The following KDM2A variants were observed in gnomAD, a reference collection of about 807,000 sequenced individuals.
KDM2A encodes the protein lysine-specific demethylase 2A.
KDM2A carries 3 observed loss-of-function variants against 137.3 expected under a neutral mutation model. The ratio of observed to expected loss-of-function variants is 0.02; its 90% CI spans 0.01 to 0.06. The LOEUF is 0.06. Among genes scored for constraint, KDM2A ranks in the 10% least tolerant of loss-of-function variants. KDM2A has a pLI of 1.00. For missense variants in KDM2A, 738 were observed against 1,510.6 expected (o/e 0.49, Z 8.48); for synonymous variants, 512 against 541.5 (o/e 0.95, Z 0.76).
chr11:67,254,822 G>T lies in KDM2A; in HGVS notation c.3308-52G>T. The stretch of plus-strand genomic sequence containing the variant: ...AGACGGCTACAGGAATTGAATGGCA[G>T]AGGAAAGCTGTGTGTATGTGAGCAC... On this transcript the variant is annotated intron_variant, in intron 20 of 20. Coordinates refer to ENST00000529006, the MANE Select transcript of KDM2A (RefSeq NM_012308.3). The surrounding 1 kb of genome is among the most constrained non-coding windows in gnomAD (Gnocchi z 4.7). 1.3e-6 allele frequency: 2 copies of T among 1,503,292 alleles called. No homozygotes were observed. The highest frequency in any genetic ancestry group is 9.2e-7 in the Non-Finnish European group (1 of 1,085,466). The allele number at this position is 1,503,292 out of a possible 1,614,324, so 93.1% of individuals were successfully genotyped here. A position where few individuals can be genotyped will look rare whatever the true frequency, so the allele number is the denominator to read the frequency against.
intron 2 of KDM2A, among the ~76,000 whole-genome samples, chr11:67,124,269 G>C (rs1268087283): frequency 6.6e-6 from 1 of 152,038 alleles, no homozygotes; most frequent in East Asian, 1.9e-4. Flanking sequence ...CTCTCAAAGT[G>C]CTGGGATTAC....
In KDM2A at chr11:67,120,044, T is replaced by C. The variant is rs1855561407; in HGVS notation, c.-89T>C. ...CTTGGACAAGAACTCAAGAGCAGAA[T>C]CTCCGGTGAGTTTCCCCCTCCCCCC... On this transcript the variant is annotated 5_prime_UTR_variant, in exon 1 of 21. Coordinates refer to ENST00000529006, the MANE Select transcript of KDM2A (RefSeq NM_012308.3). The C allele has an allele frequency of 6.6e-6, 1 of 152,416 alleles. No homozygotes were observed. The allele number at this position is 152,416 out of a possible 1,614,324, so 9.4% of individuals were successfully genotyped here.
At chr11:67,156,462 T>C (rs1398169255) in intron 2 of KDM2A, among the ~76,000 whole-genome samples, 1 of 151,778 alleles carries the variant, frequency 6.6e-6, no homozygotes, top group African/African-American at 2.4e-5. Flanking sequence ...CTCTCGGCTG[T>C]AATCCCAGCA....
In KDM2A at chr11:67,121,260, A is replaced by G. The variant is rs990957756; in HGVS notation, c.-57A>G. On this transcript the variant is annotated 5_prime_UTR_variant, in exon 2 of 21. Transcript: ENST00000529006. ...GTTGCAATCTGGTTCCTAAGGAGGA[A>G]GAGGAAGGCAGCCCTGGAGTGGTTT... is the stretch of plus-strand genomic sequence containing the variant. The G allele has an allele frequency of 9.4e-6, 13 of 1,382,146 alleles. No homozygotes were observed. The South Asian group carries it at 1.3e-4, about 14-fold the overall frequency. 85.6% of individuals were successfully genotyped at this position (1,382,146 alleles called of 1,614,324 possible).
At position 67,207,640 on chromosome 11, in the gene KDM2A, C is replaced by T. The variant is rs369124261; in HGVS notation, c.438C>T (p.Leu146=). The T allele has an allele frequency of 1.2e-4, 191 of 1,613,160 alleles. No individual in the cohort carries two copies. The highest frequency in any genetic ancestry group is 1.6e-4 in the South Asian group (15 of 91,020). Reference sequence around the variant, plus strand: ...AGAAACTCTATAATGTCATCAGCCTCGAGTTTAGCCACACCAGGCTGGAGA... The same window carrying T: ...AGAAACTCTATAATGTCATCAGCCTTGAGTTTAGCCACACCAGGCTGGAGA... ...EREKLYNVIS[L]EFSHTRLENM... is the part of the protein sequence containing the mutation. Residue 146 remains leucine, a synonymous_variant, in exon 6 of 21, where the codon CTC becomes CTT. Coordinates refer to ENST00000529006, the MANE Select transcript of KDM2A (RefSeq NM_012308.3).
At position 67,254,484 on chromosome 11, in the gene KDM2A, C is replaced by G. The variant is rs750238183; in HGVS notation, c.3307+66C>G. ...CCTCCAGCCCTCCCTGGAACTTGAT[C>G]AGTAAACCAGAATGACCTTGGGTCT... On this transcript the variant is annotated intron_variant, in intron 20 of 20. Coordinates refer to ENST00000529006, the MANE Select transcript of KDM2A (RefSeq NM_012308.3). The surrounding 1 kb of genome is among the most constrained non-coding windows in gnomAD (Gnocchi z 4.7). 3.6e-5 allele frequency: 49 copies of G among 1,369,150 alleles called. 1 individual carries two copies. Among genetic ancestry groups the G allele is most frequent in the Non-Finnish European group, 4.8e-5 (46 of 963,646 alleles). 84.8% of individuals were successfully genotyped at this position (1,369,150 alleles called of 1,614,324 possible).
chr11:67,182,173 GA>G (rs1443400147), intron 5 of KDM2A, among the ~76,000 whole-genome samples: 3 of 151,972 alleles, frequency 2.0e-5, no homozygotes, highest in Non-Finnish European at 4.4e-5. Context: ...CCAAGAAACC[GA>G]AAACTTACAT....
intron 5 of KDM2A, among the ~76,000 whole-genome samples, chr11:67,184,625 CAAAA>C (rs556320529): frequency 1.6e-4 from 25 of 151,980 alleles, no homozygotes; most frequent in Non-Finnish European, 2.9e-4. Context: ...AGACTCATCT[CAAAA>C]AAAGGTGAGT....
intron 2 of KDM2A, among the ~76,000 whole-genome samples, chr11:67,159,759 C>T (rs1272426133): frequency 6.6e-6 from 1 of 152,172 alleles, no homozygotes; most frequent in Non-Finnish European, 1.5e-5. Context: ...TCTCACATAC[C>T]TTACCTTTTT....
At chr11:67,144,915 G>A (rs1856208519) in intron 2 of KDM2A, among the ~76,000 whole-genome samples, 1 of 151,194 alleles carries the variant, frequency 6.6e-6, no homozygotes, top group Non-Finnish European at 1.5e-5. Context: ...TGTCATCCAG[G>A]CTGGAGTGCC....
chr11:67,250,375 G>T lies in KDM2A; in HGVS notation c.2345G>T (p.Gly782Val). The change falls in exon 17 of 21, where the codon GGC becomes GTC. Residue 782 changes from glycine (G) to valine (V), a missense_variant. This residue lies in a region of KDM2A where 244 missense variants were observed against 324.6 expected (regional missense o/e 0.75). Transcript: ENST00000529006. This position sits in a 1 kb window ranked among gnomAD's most constrained non-coding sequence, Gnocchi z 7.1. Reference sequence around the variant, plus strand: ...CGGGAAAAGGAGAACAATCCCAGCGGCAAAAAGGAGCTGTCTGAAGTTGAG... The same window carrying T: ...CGGGAAAAGGAGAACAATCCCAGCGTCAAAAAGGAGCTGTCTGAAGTTGAG... Reference protein sequence around the residue: ...MVREKENNPSGKKELSEVEKA... With the variant: ...MVREKENNPSVKKELSEVEKA... The T allele has an allele frequency of 6.2e-7, 1 of 1,613,932 alleles. No individual in the cohort carries two copies.
chr11:67,179,070 A>C (rs1378538518), intron 2 of KDM2A, among the ~76,000 whole-genome samples: 1 of 152,084 alleles, frequency 6.6e-6, no homozygotes, highest in Non-Finnish European at 1.5e-5. Flanking sequence ...GTTATTGTTT[A>C]TCTCTTTGAT....
chr11:67,200,611 C>T (rs1032512522), intron 5 of KDM2A, among the ~76,000 whole-genome samples: 1 of 152,096 alleles, frequency 6.6e-6, no homozygotes, highest in Non-Finnish European at 1.5e-5. Flanking sequence ...TCCCTGGGCT[C>T]AGGTGATCCT....
intron 15 of KDM2A, among the ~76,000 whole-genome samples, chr11:67,247,920 A>G (rs1433775477): frequency 6.6e-6 from 1 of 152,228 alleles, no homozygotes; most frequent in Non-Finnish European, 1.5e-5. Flanking sequence ...ACAATGAATA[A>G]TCTTCACCAC....
intron 11 of KDM2A, among the ~76,000 whole-genome samples, chr11:67,229,887 T>TA (rs886301520): frequency 9.8e-6 from 1 of 101,772 alleles, no homozygotes; most frequent in African/African-American, 3.9e-5. Context: ...AAAAAAAAAA[T>TA]ACATCTAGGC....
chr11:67,255,427 G>T lies in KDM2A; in HGVS notation c.*372G>T, dbSNP rs1458744730. 2.1e-6 allele frequency: 1 copy of T among 466,808 alleles called. No individual in the cohort carries two copies. Among genetic ancestry groups the T allele is most frequent in the Non-Finnish European group, 4.3e-6 (1 of 233,954 alleles). The allele number at this position is 466,808 out of a possible 1,614,324, so 28.9% of individuals were successfully genotyped here. On this transcript the variant is annotated 3_prime_UTR_variant, in exon 21 of 21. Transcript: ENST00000529006. ...CTCCCCATCCATGGTCCCCAGCAGT[G>T]CCTGGTTCTGAGCAAACTCCCAGGG...
chr11:67,134,932 C>G (rs1162222179), intron 2 of KDM2A, among the ~76,000 whole-genome samples: 1 of 152,232 alleles, frequency 6.6e-6, no homozygotes, highest in Non-Finnish European at 1.5e-5. Flanking sequence ...AAACTAACTT[C>G]ATGGTCATGA....
chr11:67,201,998 G>A (rs1473833152), intron 5 of KDM2A, among the ~76,000 whole-genome samples: 3 of 151,970 alleles, frequency 2.0e-5, no homozygotes, highest in African/African-American at 7.2e-5. Flanking sequence ...GTGGTACATG[G>A]GAGGAGGTCA....
intron 10 of KDM2A, among the ~76,000 whole-genome samples, chr11:67,226,748 T>A (rs1374634396): frequency 6.6e-6 from 1 of 151,988 alleles, no homozygotes; most frequent in Non-Finnish European, 1.5e-5. Flanking sequence ...TCAATCAGAT[T>A]TCCTTCAGCA....
Sources: allele counts gnomAD v4.1 joint callset (sites outside exome capture counted in the v4.1 genomes callset), GRCh38; gene constraint gnomAD v4.1.1; regional missense constraint gnomAD v4.1.1; non-coding constraint Gnocchi (gnomAD v3.1); transcripts MANE v1.5; gene names NCBI Gene and HGNC (gene_info 2026-07-23, HGNC 2026-07-21).